PTPRD: variants seen among roughly 807,000 people sequenced by gnomAD.
PTPRD encodes the protein receptor-type tyrosine-protein phosphatase delta.
PTPRD carries 34 observed loss-of-function variants against 214.5 expected under a neutral mutation model. That is an observed-to-expected ratio of 0.16 (90% confidence interval 0.12 to 0.21). The LOEUF (loss-of-function observed/expected upper bound fraction) is 0.21, where lower values mean the gene tolerates loss of function less well. Among genes scored for constraint, PTPRD ranks in the 10% least tolerant of loss-of-function variants. PTPRD has a pLI of 1.00. For missense variants in PTPRD, 2,545 were observed against 2,398.7 expected (o/e 1.06, Z -1.27); for synonymous variants, 1,128 against 845.7 (o/e 1.33, Z -5.79).
intron 10 of PTPRD, among the ~76,000 whole-genome samples, chr9:9,050,807 T>C (rs2099683615): frequency 6.6e-6 from 1 of 152,186 alleles, no homozygotes; most frequent in Admixed American, 6.5e-5. Context: ...TTCTATTTTA[T>C]TATCATTTAT....
chr9:10,382,708 A>G (rs989621680), intron 2 of PTPRD, among the ~76,000 whole-genome samples: 1 of 151,944 alleles, frequency 6.6e-6, no homozygotes, highest in Non-Finnish European at 1.5e-5. Flanking sequence ...TGCCTGATAT[A>G]GTTAATGAAA....
intron 8 of PTPRD, among the ~76,000 whole-genome samples, chr9:9,544,556 T>A (rs915955927): frequency 1.3e-5 from 2 of 151,674 alleles, no homozygotes; most frequent in Non-Finnish European, 1.5e-5. Context: ...CGACTGTGTC[T>A]TCAAATGTAT....
intron 5 of PTPRD, among the ~76,000 whole-genome samples, chr9:9,865,273 G>C (rs764136653): frequency 6.6e-6 from 1 of 152,168 alleles, no homozygotes; most frequent in Admixed American, 6.6e-5. Context: ...TTGAAACTTA[G>C]TTCCCAATGT....
intron 11 of PTPRD, among the ~76,000 whole-genome samples, chr9:8,834,038 A>C (rs2154530602): frequency 1.3e-5 from 2 of 151,668 alleles, no homozygotes; most frequent in African/African-American, 4.8e-5. Flanking sequence ...ACCGTTCAGA[A>C]AGCACAATAA....
In PTPRD at chr9:9,488,107, C is replaced by A. The variant is rs182236360; in HGVS notation, c.-237+86625G>T. On this transcript the variant is annotated intron_variant, in intron 8 of 45. Coordinates refer to ENST00000381196, the MANE Select transcript of PTPRD (RefSeq NM_002839.4). ...TATTTTGCAGCAGAAGAAATGGAGA[C>A]AGAAAGATAATGTAGTATCTGTCTG... Among the ~76,000 whole-genome samples, 289 of 152,198 alleles carry A rather than the reference C, an allele frequency of 1.9e-3. 1 individual carries two copies. Among genetic ancestry groups the A allele is most frequent in the African/African-American group, 6.1e-3 (252 of 41,520 alleles).
chr9:9,325,006 G>C (rs1969128633), intron 9 of PTPRD, among the ~76,000 whole-genome samples: 1 of 152,124 alleles, frequency 6.6e-6, no homozygotes, highest in Non-Finnish European at 1.5e-5. Context: ...GGTTGTAGAT[G>C]TGTGGTATTA....
chr9:9,723,716 T>C, intron 7 of PTPRD, among the ~76,000 whole-genome samples: 1 of 152,236 alleles, frequency 6.6e-6, no homozygotes, highest in Non-Finnish European at 1.5e-5. Flanking sequence ...GTTTTCTGAA[T>C]ATCAGTTTTA....
At chr9:9,751,756 G>T (rs1189767023) in intron 6 of PTPRD, among the ~76,000 whole-genome samples, 1 of 152,040 alleles carries the variant, frequency 6.6e-6, no homozygotes, top group Non-Finnish European at 1.5e-5. Flanking sequence ...AGGAGGGGGC[G>T]TGTCTCATCT....
chr9:8,879,482 A>G (rs865838316), intron 11 of PTPRD, among the ~76,000 whole-genome samples: 6 of 152,210 alleles, frequency 3.9e-5, no homozygotes, highest in Non-Finnish European at 7.3e-5. Context: ...ATGAGAAAAC[A>G]AAGACACAGT....
At chr9:9,870,930 G>A (rs938005897) in intron 5 of PTPRD, among the ~76,000 whole-genome samples, 1 of 152,104 alleles carries the variant, frequency 6.6e-6, no homozygotes, top group African/African-American at 2.4e-5. Context: ...TGAAGTTTGT[G>A]TGGCAAAGAG....
Position 10,343,978 on chromosome 9 carries a change from G to GTTTTTTTTTTTTT in PTPRD, c.-599-2974_-599-2962dup, listed in dbSNP as rs139613939. 1.9e-4 allele frequency among the ~76,000 whole-genome samples: 6 copies of GTTTTTTTTTTTTT among 31,678 alleles called. 2 individuals carry two copies. Among genetic ancestry groups the GTTTTTTTTTTTTT allele is most frequent in the African/African-American group, 7.9e-4 (6 of 7,584 alleles). 20.8% of individuals were successfully genotyped at this position (31,678 alleles called of 152,430 possible). On this transcript the variant is annotated intron_variant, in intron 2 of 45. Transcript: ENST00000381196. ...AGGTTGCCTGTTCATTCTGATGGTA[G>GTTTTTTTTTTTTT]TTTTTTTTTTTTTTTTTTTTTTTTT...
chr9:8,899,820 T>C (rs1454454025), intron 11 of PTPRD, among the ~76,000 whole-genome samples: 1 of 152,172 alleles, frequency 6.6e-6, no homozygotes, highest in East Asian at 1.9e-4. Context: ...ATGTTGCCTT[T>C]GAGAGTAGAG....
chr9:9,855,786 G>A (rs1446823470), intron 5 of PTPRD, among the ~76,000 whole-genome samples: 3 of 152,200 alleles, frequency 2.0e-5, no homozygotes, highest in Admixed American at 6.5e-5. Context: ...GCAAGTCCAG[G>A]AGGGATGCCT....
intron 9 of PTPRD, among the ~76,000 whole-genome samples, chr9:9,246,744 T>G (rs1195435802): frequency 6.6e-6 from 1 of 152,060 alleles, no homozygotes; most frequent in Non-Finnish European, 1.5e-5. Context: ...TGGCCTATTC[T>G]TGGAGCTGAG....
intron 40 of PTPRD, 33 bp from the exon 41 acceptor site, chr9:8,341,301 C>T (rs1852198139): frequency 7.8e-6 from 12 of 1,544,838 alleles, no homozygotes; most frequent in South Asian, 1.3e-5. Flanking sequence ...AAGGAAAAAC[C>T]CAACAAAGAT....
intron 3 of PTPRD, among the ~76,000 whole-genome samples, chr9:10,248,506 T>C (rs1179994825): frequency 9.6e-5 from 3 of 31,348 alleles, no homozygotes; most frequent in African/African-American, 4.8e-4. Context: ...AAAGGGTACA[T>C]ATAGCAAAAA....
intron 7 of PTPRD, among the ~76,000 whole-genome samples, chr9:9,648,119 G>C (rs2096243736): frequency 6.6e-6 from 1 of 151,766 alleles, no homozygotes; most frequent in Admixed American, 6.6e-5. Context: ...AATAATTTTT[G>C]TCATATATTT....
intron 2 of PTPRD, among the ~76,000 whole-genome samples, chr9:10,610,597 A>T (rs1453931162): frequency 6.6e-6 from 1 of 152,108 alleles, no homozygotes; most frequent in African/African-American, 2.4e-5. Context: ...AAATCTGATC[A>T]GCCAAGGGCT....
chr9:8,741,994 T>C (rs1275079616), intron 11 of PTPRD, among the ~76,000 whole-genome samples: 1 of 152,206 alleles, frequency 6.6e-6, no homozygotes, highest in East Asian at 1.9e-4. Flanking sequence ...CAAGACATTT[T>C]CATGCTAGGA....
Sources: gnomAD v4.1 joint callset for allele counts (sites outside exome capture counted in the v4.1 genomes callset) on GRCh38, gnomAD v4.1.1 for gene constraint, MANE v1.5 for transcripts, NCBI Gene and HGNC (gene_info 2026-07-23, HGNC 2026-07-21) for gene names.